The following BACH2 variants were observed in gnomAD, a reference collection of about 807,000 sequenced individuals.
The protein encoded by BACH2 is BACH transcriptional regulator 2.
A neutral mutation model predicts 61.8 loss-of-function variants in BACH2; 5 were observed. The observed-to-expected ratio is 0.08, with a 90% CI of 0.04 to 0.17. The LOEUF is 0.17. BACH2 is among the 10% of genes least tolerant of loss of function. The pLI, the probability that BACH2 is intolerant of heterozygous loss-of-function variation, is 1.00. For missense variants in BACH2, 824 were observed against 1,091.1 expected (o/e 0.76, Z 3.45); for synonymous variants, 446 against 440.1 (o/e 1.01, Z -0.17).
chr6:90,257,162 T>C (rs1459531514), intron 2 of BACH2, among the ~76,000 whole-genome samples: 1 of 152,254 alleles, frequency 6.6e-6, no homozygotes, highest in East Asian at 1.9e-4. Context: ...ATCTTAGTTA[T>C]TGTGAATCAT....
intron 4 of BACH2, among the ~76,000 whole-genome samples, chr6:90,130,676 A>G (rs924113253): frequency 6.6e-6 from 1 of 152,216 alleles, no homozygotes; most frequent in Admixed American, 6.5e-5. Context: ...TCAATTGTGA[A>G]CAGCTGGTAC....
At chr6:90,055,201 T>C (rs953220132) in intron 5 of BACH2, among the ~76,000 whole-genome samples, 12 of 152,036 alleles carry the variant, frequency 7.9e-5, no homozygotes, top group Admixed American at 5.9e-4. Context: ...TTTGAACCAA[T>C]GGCAAAGAAG....
chr6:90,286,762 T>C (rs1287477412), intron 1 of BACH2, among the ~76,000 whole-genome samples: 4 of 151,964 alleles, frequency 2.6e-5, no homozygotes, highest in African/African-American at 4.8e-5. Flanking sequence ...TACTTTGGCA[T>C]AAAGTATTGT....
intron 5 of BACH2, among the ~76,000 whole-genome samples, chr6:90,029,026 T>C (rs1208142465): frequency 6.6e-6 from 1 of 152,242 alleles, no homozygotes; most frequent in African/African-American, 2.4e-5. Flanking sequence ...ATTTTCCCCA[T>C]TCACGTTTCA....
chr6:90,148,878 G>T (rs770902464), intron 4 of BACH2, among the ~76,000 whole-genome samples: 11 of 152,190 alleles, frequency 7.2e-5, no homozygotes, highest in African/African-American at 1.2e-4. Context: ...ACACAATCAG[G>T]TGGTGGTCTC....
intron 3 of BACH2, among the ~76,000 whole-genome samples, chr6:90,215,379 T>C (rs888237712): frequency 6.6e-6 from 1 of 152,232 alleles, no homozygotes; most frequent in Admixed American, 6.5e-5. Flanking sequence ...GCAATTCCTG[T>C]GTGAGTATAG....
At chr6:89,970,998 T>C (rs1775329172) in intron 6 of BACH2, among the ~76,000 whole-genome samples, 1 of 152,246 alleles carries the variant, frequency 6.6e-6, no homozygotes, top group African/African-American at 2.4e-5. Context: ...GTTCATCACA[T>C]AGAATACATT....
intron 3 of BACH2, among the ~76,000 whole-genome samples, chr6:90,234,849 G>A (rs1770207609): frequency 6.6e-6 from 1 of 152,168 alleles, no homozygotes. Context: ...GGTGCTAGAG[G>A]CAGCCTAGGG....
intron 4 of BACH2, among the ~76,000 whole-genome samples, chr6:90,158,753 G>A (rs1785079952): frequency 9.7e-6 from 1 of 103,612 alleles, no homozygotes; most frequent in Non-Finnish European, 1.9e-5. Flanking sequence ...CTCCCTCTGT[G>A]TCTTCTTTTG....
intron 5 of BACH2, among the ~76,000 whole-genome samples, chr6:90,062,178 G>A (rs144068940): frequency 7.2e-5 from 11 of 152,282 alleles, no homozygotes; most frequent in East Asian, 1.9e-4. Flanking sequence ...TGTGTGTGGC[G>A]TGAGCCATCA....
At chr6:90,124,995 C>T in intron 4 of BACH2, among the ~76,000 whole-genome samples, 1 of 152,060 alleles carries the variant, frequency 6.6e-6, no homozygotes, top group South Asian at 2.1e-4. Flanking sequence ...TTGCATTTTT[C>T]CAAAAGCAAT....
At chr6:90,182,634 T>C (rs1238472496) in intron 4 of BACH2, among the ~76,000 whole-genome samples, 1 of 152,196 alleles carries the variant, frequency 6.6e-6, no homozygotes, top group African/African-American at 2.4e-5. Flanking sequence ...ATTGGTTCCA[T>C]GAAACTGTGA....
chr6:90,227,834 C>T (rs906005260), intron 3 of BACH2, among the ~76,000 whole-genome samples: 1 of 151,982 alleles, frequency 6.6e-6, no homozygotes, highest in African/African-American at 2.4e-5. Flanking sequence ...CCAAAGTATT[C>T]TTGGTATTAA....
Position 90,258,044 on chromosome 6 carries a change from G to T in BACH2, c.-352-5454C>A, listed in dbSNP as rs577699174. Among the ~76,000 whole-genome samples, 180 of 152,238 alleles carry T rather than the reference G, an allele frequency of 1.2e-3. 1 individual carries two copies. The highest frequency in any genetic ancestry group is 2.0e-3 in the Non-Finnish European group (133 of 68,018). ...CTACCTCAGCCTCCCAAAAGTGCCG[G>T]GATTACAGGCGTGAGCCACTGCGCC... On this transcript the variant is annotated intron_variant, in intron 2 of 8. Transcript: ENST00000257749.
At chr6:90,125,661 C>T (rs1209476786) in intron 4 of BACH2, among the ~76,000 whole-genome samples, 1 of 152,238 alleles carries the variant, frequency 6.6e-6, no homozygotes, top group African/African-American at 2.4e-5. Context: ...TGGTTGACTT[C>T]AGTGGCATGT....
intron 6 of BACH2, among the ~76,000 whole-genome samples, chr6:89,979,369 GAA>G (rs1486007676): frequency 6.6e-6 from 1 of 152,134 alleles, no homozygotes; most frequent in Non-Finnish European, 1.5e-5. Flanking sequence ...TTTGTACACC[GAA>G]AACACTCCCC....
At chr6:90,289,103 G>A (rs183125645) in intron 1 of BACH2, among the ~76,000 whole-genome samples, 174 of 152,300 alleles carry the variant, frequency 1.1e-3, no homozygotes, top group Non-Finnish European at 2.1e-3. Context: ...CAGATTTACT[G>A]AGAAATTATT....
Position 90,008,683 on chromosome 6 carries a change from C to A in BACH2, c.162G>T (p.Val54=), listed in dbSNP as rs140683771. The change falls in exon 6 of 9, where the codon GTG becomes GTT. Residue 54 remains valine (V), a synonymous_variant. Coordinates refer to ENST00000257749, the MANE Select transcript of BACH2 (RefSeq NM_021813.4). This position sits in a 1 kb window ranked among gnomAD's most constrained non-coding sequence, Gnocchi z 4.1. ...AAAAATATTCACTGCATGCGGCCAGCACAGCCCGGTGGGCCCGGAACTCCT... is the reference window on the plus strand; with the variant it reads ...AAAAATATTCACTGCATGCGGCCAGAACAGCCCGGTGGGCCCGGAACTCCT... ...ERKEFRAHRA[V]LAACSEYFWQ... is the part of the protein sequence containing the mutation. 6.2e-7 allele frequency: 1 copy of A among 1,614,092 alleles called. No individual in the cohort carries two copies. The highest frequency in any genetic ancestry group is 1.3e-5 in the African/African-American group (1 of 74,916).
intron 4 of BACH2, among the ~76,000 whole-genome samples, chr6:90,159,029 T>C (rs992210972): frequency 1.1e-4 from 17 of 152,254 alleles, no homozygotes; most frequent in Non-Finnish European, 2.9e-5. Context: ...TGACTAATTA[T>C]GCATTTCTTT....
Sources: gnomAD v4.1 joint callset for allele counts (sites outside exome capture counted in the v4.1 genomes callset) on GRCh38, gnomAD v4.1.1 for gene constraint, Gnocchi (gnomAD v3.1) non-coding constraint, MANE v1.5 for transcripts, NCBI Gene and HGNC (gene_info 2026-07-23, HGNC 2026-07-21) for gene names.